CBFA2T3: variants seen among roughly 807,000 people sequenced by gnomAD.
CBFA2T3 encodes transcriptional corepressor CBFA2T3.
CBFA2T3 carries 31 observed loss-of-function variants against 58.6 expected under a neutral mutation model. The ratio of observed to expected loss-of-function variants is 0.53; its 90% CI spans 0.40 to 0.71. CBFA2T3 has a LOEUF of 0.71. CBFA2T3 is among the 30% of genes least tolerant of loss of function. The pLI, the probability that CBFA2T3 is intolerant of heterozygous loss-of-function variation, is 0.00. For missense variants in CBFA2T3, 1,076 were observed against 963.1 expected (o/e 1.12, Z -1.55); for synonymous variants, 531 against 421.9 (o/e 1.26, Z -3.17).
At chr16:88,911,042 G>T (rs1970514580) in intron 1 of CBFA2T3, among the ~76,000 whole-genome samples, 1 of 152,238 alleles carries the variant, frequency 6.6e-6, no homozygotes, top group Non-Finnish European at 1.5e-5. Flanking sequence ...AACACGGGGA[G>T]CAGTGCCTTC....
In CBFA2T3 at chr16:88,877,285, G is replaced by T; in HGVS notation, c.1663-10C>A. The T allele has an allele frequency of 6.5e-7, 1 of 1,539,090 alleles. No homozygotes were observed. Among genetic ancestry groups the T allele is most frequent in the African/African-American group, 1.4e-5 (1 of 72,552 alleles). ...CGCAGTTCCAGCAGCTCTGGGTGGGGGCAGAGGGGCCAGTCAGGGCTGGGT... is the reference window on the plus strand; with the variant it reads ...CGCAGTTCCAGCAGCTCTGGGTGGGTGCAGAGGGGCCAGTCAGGGCTGGGT... On this transcript the variant is annotated splice_polypyrimidine_tract_variant and intron_variant, in intron 11 of 11. Transcript: ENST00000268679.
At chr16:88,917,341 A>C (rs1970770779) in intron 1 of CBFA2T3, among the ~76,000 whole-genome samples, 1 of 152,090 alleles carries the variant, frequency 6.6e-6, no homozygotes, top group African/African-American at 2.4e-5. Flanking sequence ...GAAAGGTGCC[A>C]CCGTGGGAGG....
intron 1 of CBFA2T3, among the ~76,000 whole-genome samples, chr16:88,903,008 C>A (rs915945205): frequency 2.6e-5 from 4 of 152,192 alleles, no homozygotes; most frequent in African/African-American, 9.7e-5. Flanking sequence ...TCACCCACAG[C>A]CTGGGGCATG....
At chr16:88,907,016 G>A (rs914430109) in intron 1 of CBFA2T3, among the ~76,000 whole-genome samples, 7 of 151,946 alleles carry the variant, frequency 4.6e-5, no homozygotes, top group Admixed American at 1.3e-4. Context: ...TGGGGTGGCC[G>A]GCTCTGAGGC....
At chr16:88,895,419 T>G (rs1343266136) in intron 3 of CBFA2T3, among the ~76,000 whole-genome samples, 1 of 152,202 alleles carries the variant, frequency 6.6e-6, no homozygotes, top group Non-Finnish European at 1.5e-5. Context: ...GCTCTACACC[T>G]GCACACAGGC....
chr16:88,977,090 C>T lies in CBFA2T3; in HGVS notation c.-283G>A, dbSNP rs1972882634. The T allele has an allele frequency of 5.3e-6, 2 of 377,462 alleles. No homozygotes were observed. The highest frequency in any genetic ancestry group is 1.4e-4 in the South Asian group (2 of 14,554). The allele number at this position is 377,462 out of a possible 1,614,324, so 23.4% of individuals were successfully genotyped here. A position where few individuals can be genotyped will look rare whatever the true frequency, so the allele number is the denominator to read the frequency against. On this transcript the variant is annotated 5_prime_UTR_variant, in exon 1 of 12. An upstream open reading frame in the 5' UTR gains an earlier in-frame stop. Coordinates refer to ENST00000268679, the MANE Select transcript of CBFA2T3 (RefSeq NM_005187.6). ...CCCTGCAGCCTGCGGGTGAGGCAGC[C>T]AGCTGTGTCCCCGTGATAATGCCGG...
chr16:88,968,413 G>A (rs868717200), intron 1 of CBFA2T3, among the ~76,000 whole-genome samples: 19 of 152,354 alleles, frequency 1.2e-4, no homozygotes, highest in Admixed American at 4.6e-4. Flanking sequence ...CTGAGGGGCC[G>A]CAGGACAAGC....
At chr16:88,928,668 G>A (rs947648174) in intron 1 of CBFA2T3, among the ~76,000 whole-genome samples, 1 of 152,246 alleles carries the variant, frequency 6.6e-6, no homozygotes, top group African/African-American at 2.4e-5. Flanking sequence ...AGCGCCTCGT[G>A]TGTCAGGTGC....
intron 1 of CBFA2T3, 96 bp downstream of exon 1, chr16:88,976,561 G>C (rs1487724378): frequency 8.6e-6 from 8 of 935,060 alleles, no homozygotes; most frequent in South Asian, 1.6e-5. Context: ...TGTCAACTAA[G>C]CTGGGCAGGC....
chr16:88,914,641 C>G (rs1970633660), intron 1 of CBFA2T3, among the ~76,000 whole-genome samples: 1 of 152,128 alleles, frequency 6.6e-6, no homozygotes, highest in Non-Finnish European at 1.5e-5. Flanking sequence ...CCCAGAGCCC[C>G]TAGCCATCAA....
intron 1 of CBFA2T3, among the ~76,000 whole-genome samples, chr16:88,905,474 T>C (rs949279898): frequency 1.3e-4 from 20 of 151,780 alleles, no homozygotes; most frequent in African/African-American, 4.4e-4. Context: ...TCCTGCCTCT[T>C]GTTTGACCTG....
chr16:88,881,550 C>T (rs1258860535), intron 8 of CBFA2T3, 61 bp from the exon 9 acceptor site: 2 of 1,523,066 alleles, frequency 1.3e-6, no homozygotes, highest in African/African-American at 2.7e-5. Flanking sequence ...CAGACACTCC[C>T]CCAGCCCACT....
At chr16:88,892,635 G>T (rs1263009858) in intron 3 of CBFA2T3, 150 bp from the exon 4 acceptor site, 1 of 956,434 alleles carries the variant, frequency 1.0e-6, no homozygotes, top group Non-Finnish European at 1.6e-6. Context: ...CGCTGAGGAT[G>T]ACAGCAGGAG....
At chr16:88,935,577 T>A (rs1230866781) in intron 1 of CBFA2T3, among the ~76,000 whole-genome samples, 7 of 152,312 alleles carry the variant, frequency 4.6e-5, no homozygotes, top group South Asian at 2.1e-4. Flanking sequence ...CAGGCTGTCC[T>A]CGCGTGGGTG....
intron 1 of CBFA2T3, among the ~76,000 whole-genome samples, chr16:88,926,686 C>T (rs1367635508): frequency 3.9e-5 from 6 of 152,236 alleles, no homozygotes; most frequent in Non-Finnish European, 1.5e-5. Context: ...GCCATGGTCC[C>T]GTGCGTGCCA....
chr16:88,887,711 C>T (rs1053539946), intron 5 of CBFA2T3, among the ~76,000 whole-genome samples: 2 of 152,120 alleles, frequency 1.3e-5, no homozygotes, highest in Non-Finnish European at 2.9e-5. Context: ...CCCACTCTGT[C>T]CCCAGGAGCC....
At chr16:88,887,539 G>C (rs1444956035) in intron 5 of CBFA2T3, among the ~76,000 whole-genome samples, 1 of 152,080 alleles carries the variant, frequency 6.6e-6, no homozygotes, top group Non-Finnish European at 1.5e-5. Flanking sequence ...CTGCGTGTGG[G>C]GCAGGCTCAG....
chr16:88,916,567 G>A (rs1439473988), intron 1 of CBFA2T3, among the ~76,000 whole-genome samples: 4 of 151,528 alleles, frequency 2.6e-5, no homozygotes, highest in Admixed American at 1.3e-4. Flanking sequence ...AGAACACTCC[G>A]GCCTGAGTGA....
At position 88,885,230 on chromosome 16, in the gene CBFA2T3, G is replaced by C. The variant is rs772340059; in HGVS notation, c.933C>G (p.Pro311=). The C allele has an allele frequency of 1.3e-6, 2 of 1,584,540 alleles. No individual in the cohort carries two copies. The highest frequency in any genetic ancestry group is 1.3e-5 in the African/African-American group (1 of 74,204). ...ENGSDRDPLH[P]EHLSKRPCTL... Reference sequence around the variant, plus strand: ...TGCATGGCCGTTTGCTGAGGTGCTCGGGGTGCAGCGGGTCGCGGTCTGACC... The same window carrying C: ...TGCATGGCCGTTTGCTGAGGTGCTCCGGGTGCAGCGGGTCGCGGTCTGACC... The change falls in exon 7 of 12, where the codon CCC becomes CCG. Residue 311 remains proline, a synonymous_variant. Coordinates refer to ENST00000268679, the MANE Select transcript of CBFA2T3 (RefSeq NM_005187.6). This position sits in a 1 kb window ranked among gnomAD's most constrained non-coding sequence, Gnocchi z 5.3.
Sources: allele counts gnomAD v4.1 joint callset (sites outside exome capture counted in the v4.1 genomes callset), GRCh38; gene constraint gnomAD v4.1.1; non-coding constraint Gnocchi (gnomAD v3.1); transcripts MANE v1.5; gene names NCBI Gene and HGNC (gene_info 2026-07-23, HGNC 2026-07-21).